The following TYSND1 variants were observed in gnomAD, a reference collection of about 807,000 sequenced individuals.
TYSND1 encodes the protein peroxisomal leader peptide-processing protease.
TYSND1 carries 30 observed loss-of-function variants against 37.2 expected under a neutral mutation model. The ratio of observed to expected loss-of-function variants is 0.81; its 90% CI spans 0.60 to 1.09. TYSND1 has a LOEUF of 1.09. Among genes scored for constraint, TYSND1 ranks in the 50% least tolerant of loss-of-function variants. The pLI is 0.00. For missense variants in TYSND1, 806 were observed against 817.4 expected (o/e 0.99, Z 0.17); for synonymous variants, 364 against 383.8 (o/e 0.95, Z 0.60).
At position 70,145,979 on chromosome 10, in the gene TYSND1, G is replaced by A. The variant is rs11549689; in HGVS notation, c.608C>T (p.Pro203Leu). 0.042 allele frequency: 65,589 copies of A among 1,569,554 alleles called. 1,549 individuals carry two copies. Among genetic ancestry groups the A allele is most frequent in the East Asian group, 0.062 (2,584 of 41,788 alleles). Residue 203 changes from proline to leucine, a missense_variant, in exon 1 of 4, where the codon CCA becomes CTA. By Grantham distance (98) the Pro-to-Leu change is moderately conservative. This residue lies in a region of TYSND1 where 708 missense variants were observed against 705.4 expected (regional missense o/e 1.00). Coordinates refer to ENST00000287078, the MANE Select transcript of TYSND1 (RefSeq NM_173555.4). ...CCCGAGAGGCGACACCGCCATGGCTGGCCCGCGCTCCTCCTCCACCTCCTC... is the reference window on the plus strand; with the variant it reads ...CCCGAGAGGCGACACCGCCATGGCTAGCCCGCGCTCCTCCTCCACCTCCTC... ...GQEEVEEERG[P>L]AMAVSPLGAV...
In TYSND1 at chr10:70,144,596, G is replaced by A. The variant is rs536337009; in HGVS notation, c.1167-624C>T. 42 of 986,774 alleles carry A rather than the reference G, an allele frequency of 4.3e-5. No individual in the cohort carries two copies. In the South Asian group the frequency reaches 1.5e-3, roughly 35 times the overall value. The allele number at this position is 986,774 out of a possible 1,614,324, so 61.1% of individuals were successfully genotyped here. A position where few individuals can be genotyped will look rare whatever the true frequency, so the allele number is the denominator to read the frequency against. On this transcript the variant is annotated intron_variant, in intron 1 of 3. Coordinates refer to ENST00000287078, the MANE Select transcript of TYSND1 (RefSeq NM_173555.4). Reference sequence around the variant, plus strand: ...TAAGTGACTTGCCCGGGATCAGACAGGGGCGTCCTACTACACACTCTGCAG... The same window carrying A: ...TAAGTGACTTGCCCGGGATCAGACAAGGGCGTCCTACTACACACTCTGCAG...
At chr10:70,140,924 G>A (rs775555139) in intron 3 of TYSND1, among the ~76,000 whole-genome samples, 13 of 151,574 alleles carry the variant, frequency 8.6e-5, no homozygotes, top group Non-Finnish European at 1.8e-4. Flanking sequence ...CTTATCTTTC[G>A]TGGCCTTGAC....
intron 2 of TYSND1, among the ~76,000 whole-genome samples, chr10:70,143,256 A>G (rs2072815428): frequency 6.6e-6 from 1 of 152,198 alleles, no homozygotes; most frequent in Non-Finnish European, 1.5e-5. Context: ...TAATGCAGCC[A>G]TGACCTTCCT....
rs116150122 is a variant in TYSND1 at position 70,142,397 on chromosome 10, G to A, written c.1483+271C>T. 4.6e-3 allele frequency among the ~76,000 whole-genome samples: 701 copies of A among 152,172 alleles called. 4 individuals are homozygous for A. Among genetic ancestry groups the A allele is most frequent in the African/African-American group, 0.016 (649 of 41,506 alleles). On this transcript the variant is annotated intron_variant, in intron 3 of 3. Coordinates refer to ENST00000287078, the MANE Select transcript of TYSND1 (RefSeq NM_173555.4). ...CTCTGTTGGCTTTTGAGTCTGTGAC[G>A]CTTTGACTAATCCAACTCCTCAATT...
Position 70,146,294 on chromosome 10 carries a change from G to C in TYSND1, c.293C>G (p.Ala98Gly). ...GCACAGCCCTGGGCGGCCCCGCTCC[G>C]CGCCGCCCCCGGGACCCGCGGCCGT... ...APTAAGPGGG[A>G]ERGRPGLCTP... The change falls in exon 1 of 4, where the codon GCG (alanine) becomes GGG (glycine). Residue 98 changes from alanine to glycine, a missense_variant. By Grantham distance (60) the Ala-to-Gly change is moderately conservative. This residue lies in a region of TYSND1 where 708 missense variants were observed against 705.4 expected (regional missense o/e 1.00). Transcript: ENST00000287078. 1 of 1,478,140 alleles carries C rather than the reference G, an allele frequency of 6.8e-7. No individual in the cohort carries two copies. Among genetic ancestry groups the C allele is most frequent in the Non-Finnish European group, 8.9e-7 (1 of 1,124,280 alleles). The allele number at this position is 1,478,140 out of a possible 1,614,324, so 91.6% of individuals were successfully genotyped here. A position where few individuals can be genotyped will look rare whatever the true frequency, so the allele number is the denominator to read the frequency against.
In TYSND1 at chr10:70,145,956, C is replaced by T. The variant is rs769411347; in HGVS notation, c.631G>A (p.Gly211Arg). 10 of 1,557,562 alleles carry T rather than the reference C, an allele frequency of 6.4e-6. No individual in the cohort carries two copies. The highest frequency in any genetic ancestry group is 2.4e-5 in the East Asian group (1 of 41,208). ...AATGGCGCACCCTTGGGCACGGCCC[C>T]GAGAGGCGACACCGCCATGGCTGGC... ...RGPAMAVSPL[G>R]AVPKGAPLLV... Residue 211 changes from glycine to arginine, a missense_variant, in exon 1 of 4, where the codon GGG becomes AGG. Around this residue, in one of 3 missense-constraint regions of TYSND1, gnomAD observed 708 missense variants for 705.4 expected, o/e 1.00. Coordinates refer to ENST00000287078, the MANE Select transcript of TYSND1 (RefSeq NM_173555.4).
Position 70,145,329 on chromosome 10 carries a change from A to G in TYSND1, c.1166+92T>C, listed in dbSNP as rs908205235. On this transcript the variant is annotated intron_variant, in intron 1 of 3. Transcript: ENST00000287078. Reference sequence around the variant, plus strand: ...ACGCCCAAAGCATCCGCGTGACACAAGAAAGGCCTGCACAATACTCAAGAG... The same window carrying G: ...ACGCCCAAAGCATCCGCGTGACACAGGAAAGGCCTGCACAATACTCAAGAG... The G allele has an allele frequency of 5.0e-6, 6 of 1,190,788 alleles. No individual in the cohort carries two copies. The East Asian group carries it at 1.9e-4, about 38-fold the overall frequency. 73.8% of individuals were successfully genotyped at this position (1,190,788 alleles called of 1,614,324 possible).
At position 70,146,119 on chromosome 10, in the gene TYSND1, C is replaced by T. The variant is rs1200500203; in HGVS notation, c.468G>A (p.Ala156=). 6.4e-7 allele frequency: 1 copy of T among 1,562,974 alleles called. No homozygotes were observed. The highest frequency in any genetic ancestry group is 8.7e-7 in the Non-Finnish European group (1 of 1,155,190). The part of the protein sequence containing the change: ...HFARLFGDEA[A]EQWRFSSAAR... ...CCGCGCTCGAGAAGCGCCACTGTTC[C>T]GCTGCCTCGTCCCCGAAGAGGCGCG... The change falls in exon 1 of 4, where the codon GCG becomes GCA. Residue 156 remains alanine (A), a synonymous_variant. Coordinates refer to ENST00000287078, the MANE Select transcript of TYSND1 (RefSeq NM_173555.4).
rs1439143829 is a variant in TYSND1 at position 70,139,684 on chromosome 10, G to GA, written c.*239dup. 2.1e-5 allele frequency: 11 copies of GA among 517,634 alleles called. No homozygotes were observed. The highest frequency in any genetic ancestry group is 1.4e-4 in the Admixed American group (4 of 28,826). 32.1% of individuals were successfully genotyped at this position (517,634 alleles called of 1,614,324 possible). A position where few individuals can be genotyped will look rare whatever the true frequency, so the allele number is the denominator to read the frequency against. On this transcript the variant is annotated 3_prime_UTR_variant, in exon 4 of 4. Coordinates refer to ENST00000287078, the MANE Select transcript of TYSND1 (RefSeq NM_173555.4). ...AATACAGCTGAGTCTAGTGCTAGGG[G>GA]ACAGAGAACTGGGGGCTCAAGAAAG...
In TYSND1 at chr10:70,145,766, G is replaced by A. The variant is rs1012932413; in HGVS notation, c.821C>T (p.Ala274Val). ...CGGCGCCACCACCAGCGCCACCAGC[G>A]CCCCCGCGGGCCGCGCGGTGAACAC... is the stretch of plus-strand genomic sequence containing the variant. The part of the protein sequence containing the change: ...GGVFTARPAG[A>V]LVALVVAPLC... Residue 274 changes from alanine (A) to valine (V), a missense_variant, in exon 1 of 4, where the codon GCG becomes GTG. Ala to Val is a moderately conservative substitution (Grantham distance 64). Around this residue, in one of 3 missense-constraint regions of TYSND1, gnomAD observed 708 missense variants for 705.4 expected, o/e 1.00. Coordinates refer to ENST00000287078, the MANE Select transcript of TYSND1 (RefSeq NM_173555.4). The A allele has an allele frequency of 1.4e-6, 2 of 1,442,600 alleles. No individual in the cohort carries two copies. Among genetic ancestry groups the A allele is most frequent in the Non-Finnish European group, 1.8e-6 (2 of 1,107,942 alleles). The allele number at this position is 1,442,600 out of a possible 1,614,324, so 89.4% of individuals were successfully genotyped here.
Position 70,142,670 on chromosome 10 carries a change from A to G in TYSND1, c.1481T>C (p.Leu494Pro). 1 of 1,574,692 alleles carries G rather than the reference A, an allele frequency of 6.4e-7. No individual in the cohort carries two copies. Among genetic ancestry groups the G allele is most frequent in the Non-Finnish European group, 8.6e-7 (1 of 1,159,140 alleles). ...PLFSNHSGNL[L>P]GIITSNTRDN... ...GAGGGGGCCAAAGAGCTGGTTACCA[A>G]GGAGGTTTCCTGAGTGGTTGGAGAA... Residue 494 changes from leucine (L) to proline (P), a missense_variant and splice_region_variant, in exon 3 of 4, where the codon CTT becomes CCT. This residue lies in a region of TYSND1 where 708 missense variants were observed against 705.4 expected (regional missense o/e 1.00). Coordinates refer to ENST00000287078, the MANE Select transcript of TYSND1 (RefSeq NM_173555.4).
rs2072729024 is a variant in TYSND1 at position 70,139,699 on chromosome 10, G to A, written c.*225C>T. The A allele has an allele frequency of 1.9e-6, 1 of 538,524 alleles. No individual in the cohort carries two copies. Among genetic ancestry groups the A allele is most frequent in the East Asian group, 3.1e-5 (1 of 32,442 alleles). 33.4% of individuals were successfully genotyped at this position (538,524 alleles called of 1,614,324 possible). A position where few individuals can be genotyped will look rare whatever the true frequency, so the allele number is the denominator to read the frequency against. ...AGTGCTAGGGGACAGAGAACTGGGGGCTCAAGAAAGCACCCCAAAACGGGC... is the reference window on the plus strand; with the variant it reads ...AGTGCTAGGGGACAGAGAACTGGGGACTCAAGAAAGCACCCCAAAACGGGC... On this transcript the variant is annotated 3_prime_UTR_variant, in exon 4 of 4. Coordinates refer to ENST00000287078, the MANE Select transcript of TYSND1 (RefSeq NM_173555.4).
rs752360175 is a variant in TYSND1, at chr10:70,145,449, T to C, written c.1138A>G (p.Arg380Gly). The change falls in exon 1 of 4, where the codon AGG becomes GGG. Residue 380 changes from arginine (R) to glycine (G), a missense_variant. Transcript: ENST00000287078. The stretch of plus-strand genomic sequence containing the variant: ...GGGGTGGTGGAGCGCACCAGGACCC[T>C]GGCTGCTTCCCGAGGGGACACGTGC... ...CRHVSPREAARVLVRSTTPKS... is the reference protein window; with the variant it reads ...CRHVSPREAAGVLVRSTTPKS... 2.7e-6 allele frequency: 4 copies of C among 1,469,376 alleles called. No individual in the cohort carries two copies. Among genetic ancestry groups the C allele is most frequent in the Non-Finnish European group, 2.7e-6 (3 of 1,111,936 alleles). 91.0% of individuals were successfully genotyped at this position (1,469,376 alleles called of 1,614,324 possible).
At chr10:70,143,596 T>C (rs979297491) in intron 2 of TYSND1, among the ~76,000 whole-genome samples, 1 of 152,192 alleles carries the variant, frequency 6.6e-6, no homozygotes, top group Non-Finnish European at 1.5e-5. Flanking sequence ...GCCTGAAGTG[T>C]TAAGGAACCC....
At chr10:70,141,511 G>A (rs956546654) in intron 3 of TYSND1, among the ~76,000 whole-genome samples, 2 of 151,910 alleles carry the variant, frequency 1.3e-5, no homozygotes, top group African/African-American at 2.4e-5. Flanking sequence ...AAATGAATGC[G>A]GTTTTTGTCA....
In TYSND1 at chr10:70,146,576, T is replaced by C. The variant is rs1287629678; in HGVS notation, c.11A>G (p.Gln4Arg). The change falls in exon 1 of 4, where the codon CAG becomes CGG. Residue 4 changes from glutamine to arginine, a missense_variant. Coordinates refer to ENST00000287078, the MANE Select transcript of TYSND1 (RefSeq NM_173555.4). Reference sequence around the variant, plus strand: ...GGCCGCCCTCATGGCAGACCCCCACTGCCTTCTCATGGCCTCTAGGCCGGA... The same window carrying C: ...GGCCGCCCTCATGGCAGACCCCCACCGCCTTCTCATGGCCTCTAGGCCGGA... MRR[Q>R]WGSAMRAAEQ... The C allele has an allele frequency of 1.3e-6, 2 of 1,562,392 alleles. No individual in the cohort carries two copies. The highest frequency in any genetic ancestry group is 8.6e-7 in the Non-Finnish European group (1 of 1,162,554).
At position 70,145,716 on chromosome 10, in the gene TYSND1, C is replaced by A. The variant is rs147890007; in HGVS notation, c.871G>T (p.Val291Leu). The A allele has an allele frequency of 0.028, 39,763 of 1,414,374 alleles. 656 individuals carry two copies. Among genetic ancestry groups the A allele is most frequent in the Non-Finnish European group, 0.033 (35,602 of 1,094,622 alleles). The allele number at this position is 1,414,374 out of a possible 1,614,324, so 87.6% of individuals were successfully genotyped here. A position where few individuals can be genotyped will look rare whatever the true frequency, so the allele number is the denominator to read the frequency against. Residue 291 changes from valine (V) to leucine (L), a missense_variant, in exon 1 of 4, where the codon GTG becomes TTG. Around this residue, in one of 3 missense-constraint regions of TYSND1, gnomAD observed 708 missense variants for 705.4 expected, o/e 1.00. Coordinates refer to ENST00000287078, the MANE Select transcript of TYSND1 (RefSeq NM_173555.4). ...GCGGCGCAGAGCAGCGTGAAGCCCA[C>A]CCATTCGCCGGCCTTCCAACAGAGC... ...APLCWKAGEWVGFTLLCAAAP... is the reference protein window; with the variant it reads ...APLCWKAGEWLGFTLLCAAAP...
Position 70,139,843 on chromosome 10 carries a change from A to G in TYSND1, c.*81T>C. On this transcript the variant is annotated 3_prime_UTR_variant, in exon 4 of 4. Coordinates refer to ENST00000287078, the MANE Select transcript of TYSND1 (RefSeq NM_173555.4). The stretch of plus-strand genomic sequence containing the variant: ...GGCCCCTGCAGGGGCTGGGCCCTGA[A>G]TCCTGAGGCCACCGTCACCTCAACA... 1 of 1,423,160 alleles carries G rather than the reference A, an allele frequency of 7.0e-7. No homozygotes were observed. The highest frequency in any genetic ancestry group is 9.6e-7 in the Non-Finnish European group (1 of 1,040,974). The allele number at this position is 1,423,160 out of a possible 1,614,324, so 88.2% of individuals were successfully genotyped here.
In TYSND1 at chr10:70,140,023, G is replaced by A; in HGVS notation, c.1602C>T (p.Asp534=). Residue 534 remains aspartate (D), a synonymous_variant, in exon 4 of 4, where the codon GAC becomes GAT. Coordinates refer to ENST00000287078, the MANE Select transcript of TYSND1 (RefSeq NM_173555.4). ...GGTCCAGCTCACGGAGGCCACCTAGGTCTTGGGTCTGGCTGTACTGCTGCA... is the reference window on the plus strand; with the variant it reads ...GGTCCAGCTCACGGAGGCCACCTAGATCTTGGGTCTGGCTGTACTGCTGCA... ...PALQQYSQTQ[D]LGGLRELDRA... 1.9e-6 allele frequency: 3 copies of A among 1,614,234 alleles called. No individual in the cohort carries two copies. Among genetic ancestry groups the A allele is most frequent in the Non-Finnish European group, 2.5e-6 (3 of 1,180,030 alleles).
Sources: gnomAD v4.1 joint callset for allele counts (sites outside exome capture counted in the v4.1 genomes callset) on GRCh38, gnomAD v4.1.1 for gene constraint, gnomAD v4.1.1 regional missense constraint, MANE v1.5 for transcripts, NCBI Gene and HGNC (gene_info 2026-07-23, HGNC 2026-07-21) for gene names.